PITX3: variants seen among roughly 807,000 people sequenced by gnomAD.
PITX3 encodes the protein paired like homeodomain 3.
PITX3 carries 4 observed loss-of-function variants against 14.2 expected under a neutral mutation model. The ratio of observed to expected loss-of-function variants is 0.28; its 90% confidence interval spans 0.14 to 0.65. The LOEUF (loss-of-function observed/expected upper bound fraction) is 0.65. PITX3 is among the 30% of genes least tolerant of loss of function. PITX3 has a pLI of 0.82. For synonymous variants in PITX3, 194 were observed against 204.5 expected (o/e 0.95, Z 0.44); for missense variants, 358 against 426.8 (o/e 0.84, Z 1.42).
intron 1 of PITX3, among the ~76,000 whole-genome samples, chr10:102,240,563 C>G (rs1410085229): frequency 6.6e-6 from 1 of 152,244 alleles, no homozygotes; most frequent in Non-Finnish European, 1.5e-5. Flanking sequence ...ACATGCCACC[C>G]AGCCAGGGAC....
intron 1 of PITX3, among the ~76,000 whole-genome samples, chr10:102,233,523 C>G (rs910068978): frequency 4.6e-5 from 7 of 152,150 alleles, no homozygotes; most frequent in Non-Finnish European, 1.0e-4. Flanking sequence ...AGGCTGGTCT[C>G]GAACTCCTCA....
Position 102,230,640 on chromosome 10 carries a change from G to C in PITX3, c.783C>G (p.Asn261Lys), listed in dbSNP as rs1302629094. ...SSPYVYRDPCNSSLASLRLKA... is the reference protein window; with the variant it reads ...SSPYVYRDPCKSSLASLRLKA... ...TGAGCCGCAGGCTGGCCAGGCTCGA[G>C]TTACACGGGTCCCGATAGACGTAGG... is the stretch of plus-strand genomic sequence containing the variant. The change falls in exon 4 of 4, where the codon AAC becomes AAG. Residue 261 changes from asparagine (N) to lysine (K), a missense_variant. Around this residue, in one of 3 missense-constraint regions of PITX3, gnomAD observed 236 missense variants for 250.2 expected, o/e 0.94. Transcript: ENST00000370002. The C allele has an allele frequency of 6.2e-7, 1 of 1,604,602 alleles. No homozygotes were observed. Among genetic ancestry groups the C allele is most frequent in the South Asian group, 1.1e-5 (1 of 89,618 alleles).
chr10:102,230,834 A>G lies in PITX3; in HGVS notation c.589T>C (p.Ser197Pro). 2 of 1,582,486 alleles carry G rather than the reference A, an allele frequency of 1.3e-6. No individual in the cohort carries two copies. The highest frequency in any genetic ancestry group is 1.1e-5 in the South Asian group (1 of 87,216). The change falls in exon 4 of 4, where the codon TCC becomes CCC. Residue 197 changes from serine (S) to proline (P), a missense_variant. Around this residue, in one of 3 missense-constraint regions of PITX3, gnomAD observed 236 missense variants for 250.2 expected, o/e 0.94. Transcript: ENST00000370002. ...GCAGCCGCGGCGGAGGGCACCATGG[A>G]GGCGGCGATGGAGCTGGGTGGCGAG... ...VFSPPSSIAA[S>P]MVPSAAAAPG...
chr10:102,234,908 T>C (rs957715918), intron 1 of PITX3, among the ~76,000 whole-genome samples: 1 of 152,134 alleles, frequency 6.6e-6, no homozygotes, highest in Non-Finnish European at 1.5e-5. Context: ...AGAAGGGATA[T>C]GGGCGAGGAA....
In PITX3 at chr10:102,232,009, C is replaced by G; in HGVS notation, c.72G>C (p.Pro24=). 6.2e-7 allele frequency: 1 copy of G among 1,609,852 alleles called. No homozygotes were observed. The highest frequency in any genetic ancestry group is 8.5e-7 in the Non-Finnish European group (1 of 1,179,466). ...PALSLSDAGT[P]HPQLPEHGCK... ...AGCCGTGCTCTGGGAGCTGGGGGTG[C>G]GGAGTGCCAGCGTCTGACAGCGACA... Residue 24 remains proline, a synonymous_variant, in exon 2 of 4, where the codon CCG becomes CCC. Coordinates refer to ENST00000370002, the MANE Select transcript of PITX3 (RefSeq NM_005029.4).
At chr10:102,234,179 C>T (rs1378641296) in intron 1 of PITX3, among the ~76,000 whole-genome samples, 1 of 152,182 alleles carries the variant, frequency 6.6e-6, no homozygotes, top group Non-Finnish European at 1.5e-5. Flanking sequence ...AGGAGCCTTT[C>T]TCAGGGAGGT....
chr10:102,238,869 C>T (rs1156445637), intron 1 of PITX3, among the ~76,000 whole-genome samples: 2 of 152,190 alleles, frequency 1.3e-5, no homozygotes, highest in African/African-American at 2.4e-5. Flanking sequence ...ATGTGCTGAT[C>T]CTTCCAAACC....
At chr10:102,239,124 T>A (rs1026275134) in intron 1 of PITX3, among the ~76,000 whole-genome samples, 5 of 152,184 alleles carry the variant, frequency 3.3e-5, no homozygotes, top group African/African-American at 1.2e-4. Flanking sequence ...GACTAAACTT[T>A]GAAATTTGCC....
At position 102,232,005 on chromosome 10, in the gene PITX3, G is replaced by A. The variant is rs1381425002; in HGVS notation, c.76C>T (p.Pro26Ser). The A allele has an allele frequency of 6.2e-7, 1 of 1,610,346 alleles. No homozygotes were observed. The highest frequency in any genetic ancestry group is 1.3e-5 in the African/African-American group (1 of 74,944). Residue 26 changes from proline to serine, a missense_variant, in exon 2 of 4, where the codon CCC (proline) becomes TCC (serine). By Grantham distance (74) the Pro-to-Ser change is moderately conservative. Around this residue, in one of 3 missense-constraint regions of PITX3, gnomAD observed 72 missense variants for 79.9 expected, o/e 0.90. Transcript: ENST00000370002. ...LSLSDAGTPH[P>S]QLPEHGCKGQ... ...TTGCAGCCGTGCTCTGGGAGCTGGG[G>A]GTGCGGAGTGCCAGCGTCTGACAGC...
rs1564992094 is a variant in PITX3 at position 102,232,085 on chromosome 10, G to C, written c.-5C>G. ...GCTGAGCAGGCCGAACTCCATGGAG[G>C]GAGGGCTCTGGAGGCGAGAGAAGAC... On this transcript the variant is annotated 5_prime_UTR_variant, in exon 2 of 4. Transcript: ENST00000370002. 6.4e-7 allele frequency: 1 copy of C among 1,554,508 alleles called. No homozygotes were observed. The highest frequency in any genetic ancestry group is 8.8e-7 in the Non-Finnish European group (1 of 1,139,192).
intron 1 of PITX3, among the ~76,000 whole-genome samples, chr10:102,236,477 C>A (rs2070397685): frequency 6.6e-6 from 1 of 152,162 alleles, no homozygotes; most frequent in South Asian, 2.1e-4. Context: ...ATCAGGGTGG[C>A]AATCCCAGGC....
At chr10:102,239,963 TG>T (rs2070489747) in intron 1 of PITX3, among the ~76,000 whole-genome samples, 2 of 152,214 alleles carry the variant, frequency 1.3e-5, no homozygotes, top group Admixed American at 6.5e-5. Context: ...CTGGATTCCA[TG>T]AGCCTCCTTC....
rs1322213317 is a variant in PITX3, at chr10:102,231,109, C to G, written c.322-8G>C. On this transcript the variant is annotated splice_polypyrimidine_tract_variant and splice_region_variant and intron_variant, in intron 3 of 3. Transcript: ENST00000370002. Reference sequence around the variant, plus strand: ...CCGGTTCTTGAACCACACCTGCGGGCACGGGAGAAAGGCGGTCAGGGCCCG... The same window carrying G: ...CCGGTTCTTGAACCACACCTGCGGGGACGGGAGAAAGGCGGTCAGGGCCCG... The G allele has an allele frequency of 1.3e-6, 2 of 1,534,848 alleles. No homozygotes were observed. Among genetic ancestry groups the G allele is most frequent in the Non-Finnish European group, 1.7e-6 (2 of 1,146,876 alleles).
chr10:102,231,893 C>A (rs539634339), intron 2 of PITX3, 70 bp downstream of exon 2: 244 of 1,561,116 alleles, frequency 1.6e-4, no homozygotes, highest in Non-Finnish European at 2.1e-4. Context: ...CGGGGCTGCC[C>A]AGCCGGGGTC....
At position 102,231,688 on chromosome 10, in the gene PITX3, A is replaced by T; in HGVS notation, c.221T>A (p.Leu74Gln). ...RQRTHFTSQQ[L>Q]QELEATFQRN... ...CTGGAAGGTCGCCTCTAGCTCCTGTAGCTGCTGGCTGGTGAAGTGCGTGCG... is the reference window on the plus strand; with the variant it reads ...CTGGAAGGTCGCCTCTAGCTCCTGTTGCTGCTGGCTGGTGAAGTGCGTGCG... Residue 74 changes from leucine to glutamine, a missense_variant, in exon 3 of 4, where the codon CTA (leucine) becomes CAA (glutamine). Physicochemically the swap from Leu to Gln is moderately radical, Grantham distance 113 (BLOSUM62 -2). Coordinates refer to ENST00000370002, the MANE Select transcript of PITX3 (RefSeq NM_005029.4). 1 of 1,611,958 alleles carries T rather than the reference A, an allele frequency of 6.2e-7. No individual in the cohort carries two copies. The highest frequency in any genetic ancestry group is 8.5e-7 in the Non-Finnish European group (1 of 1,179,192).
intron 1 of PITX3, among the ~76,000 whole-genome samples, chr10:102,239,935 CCT>C (rs2070489050): frequency 6.6e-6 from 1 of 152,248 alleles, no homozygotes; most frequent in African/African-American, 2.4e-5. Flanking sequence ...CAGATAGCCC[CCT>C]GTTGGACTCC....
Position 102,230,381 on chromosome 10 carries a change from G to A in PITX3, c.*133C>T, listed in dbSNP as rs2070199620. ...CTGGGAGGGGAAGGCCCTCTCCTGA[G>A]CCGGTGCCCCCCAGCTGCCCAAACA... is the stretch of plus-strand genomic sequence containing the variant. On this transcript the variant is annotated 3_prime_UTR_variant, in exon 4 of 4. Coordinates refer to ENST00000370002, the MANE Select transcript of PITX3 (RefSeq NM_005029.4). 7.3e-7 allele frequency: 1 copy of A among 1,374,750 alleles called. No individual in the cohort carries two copies. Among genetic ancestry groups the A allele is most frequent in the Non-Finnish European group, 9.8e-7 (1 of 1,018,248 alleles). 85.2% of individuals were successfully genotyped at this position (1,374,750 alleles called of 1,614,324 possible).
rs1283036324 is a variant in PITX3, at chr10:102,231,804, T to A, written c.119-14A>T. On this transcript the variant is annotated splice_polypyrimidine_tract_variant and intron_variant, in intron 2 of 3. Transcript: ENST00000370002. ...CCTTTTCTGAGTCTGGGGGCCAGGGTGGGGGCAGGTCACAGAGCGCCCAAG... is the reference window on the plus strand; with the variant it reads ...CCTTTTCTGAGTCTGGGGGCCAGGGAGGGGGCAGGTCACAGAGCGCCCAAG... 6.3e-7 allele frequency: 1 copy of A among 1,593,726 alleles called. No homozygotes were observed. The highest frequency in any genetic ancestry group is 8.5e-7 in the Non-Finnish European group (1 of 1,174,776).
intron 1 of PITX3, among the ~76,000 whole-genome samples, chr10:102,233,932 C>G (rs3808938): frequency 0.67 from 102,007 of 152,026 alleles, 34,864 homozygotes; most frequent in African/African-American, 0.81. Context: ...CCCTCTGCTG[C>G]GAGGAAGGGA....
Sources: allele counts gnomAD v4.1 joint callset (sites outside exome capture counted in the v4.1 genomes callset), GRCh38; gene constraint gnomAD v4.1.1; regional missense constraint gnomAD v4.1.1; transcripts MANE v1.5; gene names NCBI Gene and HGNC (gene_info 2026-07-23, HGNC 2026-07-21).